The following KPNA1 variants were observed in gnomAD, a reference collection of about 807,000 sequenced individuals.
KPNA1 encodes the protein karyopherin subunit alpha 1.
A neutral mutation model predicts 70.5 loss-of-function variants in KPNA1; 10 were observed. The observed-to-expected ratio is 0.14, with a 90% confidence interval of 0.09 to 0.24. The LOEUF (loss-of-function observed/expected upper bound fraction) is 0.24, where lower values mean the gene tolerates loss of function less well. Ranked by LOEUF, KPNA1 falls within the 10% of genes least tolerant of loss-of-function variation. The pLI, the probability that KPNA1 is intolerant of heterozygous loss-of-function variation, is 1.00. For synonymous variants in KPNA1, 192 were observed against 221.9 expected, an observed-to-expected ratio of 0.87 and a Z score of 1.20; for missense variants, 397 against 637.9, an observed-to-expected ratio of 0.62 and a Z score of 4.07.
chr3:122,435,082 A>G (rs1486783393), intron 11 of KPNA1, among the ~76,000 whole-genome samples: 1 of 152,204 alleles, frequency 6.6e-6, no homozygotes, highest in East Asian at 1.9e-4. Context: ...TGAGCAAATC[A>G]TTTTAATTCC....
chr3:122,449,539 G>A (rs373148265), intron 9 of KPNA1, 35 bp downstream of exon 9: 1 of 1,550,156 alleles, frequency 6.5e-7, no homozygotes, highest in Non-Finnish European at 8.8e-7. Flanking sequence ...TACCAAGGGA[G>A]AGAAAGTGGA....
At chr3:122,488,831 G>C (rs1310471075) in intron 2 of KPNA1, among the ~76,000 whole-genome samples, 1 of 152,126 alleles carries the variant, frequency 6.6e-6, no homozygotes, top group Non-Finnish European at 1.5e-5. Flanking sequence ...TGAGCAGTTT[G>C]GCTATGATAT....
intron 2 of KPNA1, among the ~76,000 whole-genome samples, chr3:122,488,057 T>G (rs1434155941): frequency 6.6e-6 from 1 of 152,184 alleles, no homozygotes; most frequent in Non-Finnish European, 1.5e-5. Context: ...AAAAACTAAC[T>G]TTTTAAAGTA....
chr3:122,514,439 GC>G (rs1270425116), intron 1 of KPNA1: 1 of 146,776 alleles, frequency 6.8e-6, no homozygotes, highest in African/African-American at 2.5e-5. Flanking sequence ...CTGCCTCGGC[GC>G]CCCGCAGTCC....
chr3:122,512,598 C>A (rs2107515160), intron 1 of KPNA1, among the ~76,000 whole-genome samples: 1 of 152,272 alleles, frequency 6.6e-6, no homozygotes, highest in South Asian at 2.1e-4. Flanking sequence ...GCCTCATGCC[C>A]CTGTAGTCCC....
chr3:122,453,445 T>C (rs1007194182), intron 6 of KPNA1, among the ~76,000 whole-genome samples: 16 of 152,350 alleles, frequency 1.1e-4, no homozygotes, highest in Non-Finnish European at 1.9e-4. Flanking sequence ...CACTCCTTTG[T>C]GACAATCCAT....
In KPNA1 at chr3:122,425,279, A is replaced by G. The variant is rs2107710896; in HGVS notation, c.*1706T>C. ...TGCTTAAATAACATCATGATGAGGTATGAAAAGCTCTGAATATCCCTTACA... is the reference window on the plus strand; with the variant it reads ...TGCTTAAATAACATCATGATGAGGTGTGAAAAGCTCTGAATATCCCTTACA... On this transcript the variant is annotated 3_prime_UTR_variant, in exon 14 of 14. Coordinates refer to ENST00000344337, the MANE Select transcript of KPNA1 (RefSeq NM_002264.4). 1 of 152,808 alleles carries G rather than the reference A, an allele frequency of 6.5e-6. No homozygotes were observed. Among genetic ancestry groups the G allele is most frequent in the South Asian group, 2.1e-4 (1 of 4,832 alleles). 9.5% of individuals were successfully genotyped at this position (152,808 alleles called of 1,614,324 possible).
chr3:122,485,111 G>A (rs1025835590), intron 2 of KPNA1, among the ~76,000 whole-genome samples: 1 of 151,904 alleles, frequency 6.6e-6, no homozygotes, highest in African/African-American at 2.4e-5. Context: ...ATGGTGTCTC[G>A]CCACCTTACC....
intron 2 of KPNA1, among the ~76,000 whole-genome samples, chr3:122,471,759 C>T (rs1349603457): frequency 1.3e-5 from 2 of 151,972 alleles, no homozygotes; most frequent in Admixed American, 1.3e-4. Context: ...CGCGCCCCTG[C>T]ACTCCAGCCT....
At chr3:122,483,115 C>T (rs1330253924) in intron 2 of KPNA1, 1 of 155,804 alleles carries the variant, frequency 6.4e-6, no homozygotes, top group East Asian at 1.9e-4. Context: ...GGAAAGGATA[C>T]ATCTTCAGAC....
At chr3:122,462,696 T>A (rs1403336090) in intron 4 of KPNA1, among the ~76,000 whole-genome samples, 3 of 152,190 alleles carry the variant, frequency 2.0e-5, no homozygotes, top group Non-Finnish European at 4.4e-5. Flanking sequence ...ATATTTTTAA[T>A]AAGCGGTCTG....
intron 2 of KPNA1, among the ~76,000 whole-genome samples, chr3:122,481,021 G>A (rs774069947): frequency 6.6e-6 from 1 of 152,280 alleles, no homozygotes; most frequent in South Asian, 2.1e-4. Context: ...AGAAGGTGGA[G>A]AAACTGAAGC....
chr3:122,487,027 T>A (rs1193454257), intron 2 of KPNA1, among the ~76,000 whole-genome samples: 1 of 152,194 alleles, frequency 6.6e-6, no homozygotes, highest in East Asian at 1.9e-4. Flanking sequence ...TTGAGTGACC[T>A]TCCAGCGAAT....
chr3:122,445,087 C>G (rs2076118867), intron 9 of KPNA1, among the ~76,000 whole-genome samples: 4 of 152,116 alleles, frequency 2.6e-5, no homozygotes, highest in Admixed American at 2.6e-4. Context: ...TTCAGAAGGT[C>G]GGTAATAACT....
At chr3:122,500,722 T>C (rs1439315588) in intron 1 of KPNA1, among the ~76,000 whole-genome samples, 2 of 152,050 alleles carry the variant, frequency 1.3e-5, no homozygotes, top group Admixed American at 6.6e-5. Context: ...GCAACTGGTC[T>C]CGAACTCCTG....
At chr3:122,460,535 G>A (rs2076312551) in intron 5 of KPNA1, 1 of 200,596 alleles carries the variant, frequency 5.0e-6, no homozygotes, top group Non-Finnish European at 8.9e-6. Context: ...TTCATGGGAG[G>A]CTGAGGCAGG....
chr3:122,508,027 G>A (rs530770695), intron 1 of KPNA1, among the ~76,000 whole-genome samples: 48 of 152,226 alleles, frequency 3.2e-4, no homozygotes, highest in African/African-American at 1.1e-3. Flanking sequence ...TAGGCACACA[G>A]TGGTCATTCA....
intron 2 of KPNA1, among the ~76,000 whole-genome samples, chr3:122,471,390 G>A (rs1488099774): frequency 3.3e-5 from 5 of 152,012 alleles, no homozygotes; most frequent in South Asian, 2.1e-4. Flanking sequence ...TAAATAAATC[G>A]GCATTTTGGC....
At chr3:122,429,446 C>CAAAAAAAAAAAAAA (rs57991855) in intron 12 of KPNA1, among the ~76,000 whole-genome samples, 2 of 58,784 alleles carry the variant, frequency 3.4e-5, no homozygotes, top group East Asian at 6.1e-4. Flanking sequence ...AACTCTGTCT[C>CAAAAAAAAAAAAAA]AAAAAAAAAA....
Sources: gnomAD v4.1 joint callset for allele counts (sites outside exome capture counted in the v4.1 genomes callset) on GRCh38, gnomAD v4.1.1 for gene constraint, MANE v1.5 for transcripts, NCBI Gene and HGNC (gene_info 2026-07-23, HGNC 2026-07-21) for gene names.